Variants in TGFBR2 observed in about 807,000 individuals in gnomAD.
TGFBR2 encodes the protein transforming growth factor beta receptor 2.
TGFBR2 carries 18 observed loss-of-function variants against 49.0 expected under a neutral mutation model. The observed-to-expected ratio is 0.37, with a 90% CI of 0.25 to 0.54. The LOEUF is 0.54. Among genes scored for constraint, TGFBR2 ranks in the 20% least tolerant of loss-of-function variants. The probability of loss-of-function intolerance (pLI) is 0.85; values close to 1 mark genes in which losing one functional copy is unlikely to be tolerated. For synonymous variants in TGFBR2, 282 were observed against 275.9 expected, an observed-to-expected ratio of 1.02 and a Z score of -0.22; for missense variants, 525 against 722.6, an observed-to-expected ratio of 0.73 and a Z score of 3.13.
At chr3:30,690,787 G>A (rs1052668232) in intron 6 of TGFBR2, among the ~76,000 whole-genome samples, 7 of 152,110 alleles carry the variant, frequency 4.6e-5, no homozygotes, top group Non-Finnish European at 7.4e-5. Context: ...AAACTATTCC[G>A]CATGATACTA....
rs772490613 is a variant in TGFBR2, at chr3:30,674,164, T to C, written c.1314T>C (p.Asn438=). ...EVLESRMNLE[N]VESFKQTDVY... is the part of the protein sequence containing the mutation. ...TAGAATCCAGGATGAATTTGGAGAA[T>C]GTTGAGTCCTTCAAGCAGACCGATG... Residue 438 remains asparagine, a synonymous_variant, in exon 5 of 7, where the codon AAT becomes AAC. Coordinates refer to ENST00000295754, the MANE Select transcript of TGFBR2 (RefSeq NM_003242.6). 21 of 1,614,010 alleles carry C rather than the reference T, an allele frequency of 1.3e-5. No individual in the cohort carries two copies. Among genetic ancestry groups the C allele is most frequent in the Non-Finnish European group, 1.7e-5 (20 of 1,180,018 alleles).
Position 30,606,774 on chromosome 3 carries a change from G to A in TGFBR2, c.-110G>A. Reference sequence around the variant, plus strand: ...TCTGGCCCGCACATCTGCGCTGCCGGCCCGGCGCGGGGTCCGGAGAGGGCG... The same window carrying A: ...TCTGGCCCGCACATCTGCGCTGCCGACCCGGCGCGGGGTCCGGAGAGGGCG... On this transcript the variant is annotated 5_prime_UTR_variant, in exon 1 of 7. Transcript: ENST00000295754. The A allele has an allele frequency of 1.3e-6, 1 of 789,576 alleles. No individual in the cohort carries two copies. The highest frequency in any genetic ancestry group is 1.8e-5 in the African/African-American group (1 of 55,552). 48.9% of individuals were successfully genotyped at this position (789,576 alleles called of 1,614,324 possible).
chr3:30,646,629 A>T (rs924399964), intron 2 of TGFBR2, among the ~76,000 whole-genome samples: 3 of 152,208 alleles, frequency 2.0e-5, no homozygotes, highest in Non-Finnish European at 4.4e-5. Context: ...CCAACAGCAG[A>T]ACAGGCTTCC....
intron 5 of TGFBR2, among the ~76,000 whole-genome samples, chr3:30,683,316 A>G (rs757069458): frequency 6.6e-6 from 1 of 152,214 alleles, no homozygotes; most frequent in African/African-American, 2.4e-5. Flanking sequence ...CAGATTTGCA[A>G]TATAAGGACA....
chr3:30,659,203 A>G (rs1699066434), intron 3 of TGFBR2, among the ~76,000 whole-genome samples: 1 of 152,220 alleles, frequency 6.6e-6, no homozygotes. Context: ...AACAAACCAG[A>G]TTTACTTTCT....
At chr3:30,675,287 T>C (rs1699415709) in intron 5 of TGFBR2, among the ~76,000 whole-genome samples, 1 of 152,176 alleles carries the variant, frequency 6.6e-6, no homozygotes, top group Non-Finnish European at 1.5e-5. Flanking sequence ...TCTATTCATG[T>C]CCTTCTTATT....
rs558225715 is a variant in TGFBR2 at position 30,689,605 on chromosome 3, C to G, written c.1524+1094C>G. On this transcript the variant is annotated intron_variant, in intron 6 of 6. Transcript: ENST00000295754. ...TCAGCAGACAGACCTTAATAAAGTCCGAGGAGGTTGGCGAGGGGGAACCAG... is the reference window on the plus strand; with the variant it reads ...TCAGCAGACAGACCTTAATAAAGTCGGAGGAGGTTGGCGAGGGGGAACCAG... Among the ~76,000 whole-genome samples, 98 of 152,272 alleles carry G rather than the reference C, an allele frequency of 6.4e-4. 1 individual carries two copies. Among genetic ancestry groups the G allele is most frequent in the African/African-American group, 2.2e-3 (92 of 41,566 alleles).
intron 2 of TGFBR2, among the ~76,000 whole-genome samples, chr3:30,648,392 G>A (rs76789352): frequency 0.014 from 2,013 of 142,602 alleles, 47 homozygotes; most frequent in African/African-American, 0.05. Context: ...GCATACCTTC[G>A]TTTTATTACC....
At chr3:30,669,908 A>T (rs748151849) in intron 3 of TGFBR2, among the ~76,000 whole-genome samples, 1 of 152,136 alleles carries the variant, frequency 6.6e-6, no homozygotes, top group Non-Finnish European at 1.5e-5. Flanking sequence ...TATCAGTATC[A>T]TTTAGGTAAT....
At chr3:30,679,681 T>C (rs1266241406) in intron 5 of TGFBR2, among the ~76,000 whole-genome samples, 1 of 152,202 alleles carries the variant, frequency 6.6e-6, no homozygotes, top group Non-Finnish European at 1.5e-5. Flanking sequence ...GTACTGTTAT[T>C]AATCCCATTT....
intron 1 of TGFBR2, among the ~76,000 whole-genome samples, chr3:30,633,789 A>C (rs552501640): frequency 4.1e-4 from 63 of 152,308 alleles, no homozygotes; most frequent in African/African-American, 1.5e-3. Context: ...TTTATATTTT[A>C]AAAAGAAAAG....
intron 3 of TGFBR2, among the ~76,000 whole-genome samples, chr3:30,652,030 T>A (rs9831477): frequency 0.48 from 72,626 of 151,926 alleles, 17,953 homozygotes; most frequent in African/African-American, 0.6. Flanking sequence ...GCACTGCAGA[T>A]CCAGCTTGTT....
chr3:30,650,061 A>G (rs911343547), intron 2 of TGFBR2, among the ~76,000 whole-genome samples: 2 of 151,752 alleles, frequency 1.3e-5, no homozygotes, highest in Admixed American at 1.3e-4. Flanking sequence ...AAGAATAAAC[A>G]AAGGAAAAAC....
rs1307769588 is a variant in TGFBR2 at position 30,606,798 on chromosome 3, C to T, written c.-86C>T. 6 of 1,016,550 alleles carry T rather than the reference C, an allele frequency of 5.9e-6. No homozygotes were observed. The highest frequency in any genetic ancestry group is 4.2e-5 in the Admixed American group (1 of 24,038). The allele number at this position is 1,016,550 out of a possible 1,614,324, so 63.0% of individuals were successfully genotyped here. A position where few individuals can be genotyped will look rare whatever the true frequency, so the allele number is the denominator to read the frequency against. ...GGCCCGGCGCGGGGTCCGGAGAGGG[C>T]GCGGCGCGGAGGCGCAGCCAGGGGT... On this transcript the variant is annotated 5_prime_UTR_variant, in exon 1 of 7. Coordinates refer to ENST00000295754, the MANE Select transcript of TGFBR2 (RefSeq NM_003242.6).
chr3:30,623,990 A>G lies in TGFBR2; in HGVS notation c.94+17013A>G, dbSNP rs368982076. On this transcript the variant is annotated intron_variant, in intron 1 of 6. Coordinates refer to ENST00000295754, the MANE Select transcript of TGFBR2 (RefSeq NM_003242.6). ...AACCCTATCTCTACTAAAAAATACA[A>G]AAATTAGCTGGGCATGGTGGCGGGC... Among the ~76,000 whole-genome samples, 81 of 152,226 alleles carry G rather than the reference A, an allele frequency of 5.3e-4. 2 individuals are homozygous for G. Among genetic ancestry groups the G allele is most frequent in the African/African-American group, 1.8e-3 (76 of 41,538 alleles).
chr3:30,606,941 A>T lies in TGFBR2; in HGVS notation c.58A>T (p.Ile20Phe). Residue 20 changes from isoleucine (I) to phenylalanine (F), a missense_variant, in exon 1 of 7, where the codon ATC (isoleucine) becomes TTC (phenylalanine). Physicochemically the swap from Ile to Phe is conservative, Grantham distance 21. Transcript: ENST00000295754. The stretch of plus-strand genomic sequence containing the variant: ...GCTGCACATCGTCCTGTGGACGCGT[A>T]TCGCCAGCACGATCCCACCGCACGT... ...WPLHIVLWTR[I>F]ASTIPPHVQK... is the part of the protein sequence containing the mutation. The T allele has an allele frequency of 6.2e-7, 1 of 1,602,748 alleles. No homozygotes were observed. The highest frequency in any genetic ancestry group is 8.5e-7 in the Non-Finnish European group (1 of 1,174,894).
chr3:30,673,283 T>A (rs1366493916), intron 4 of TGFBR2, among the ~76,000 whole-genome samples: 1 of 152,134 alleles, frequency 6.6e-6, no homozygotes. Context: ...TACATGCCAA[T>A]AAGAAACATT....
chr3:30,614,104 T>G (rs370198076), intron 1 of TGFBR2, among the ~76,000 whole-genome samples: 4 of 145,534 alleles, frequency 2.7e-5, no homozygotes, highest in African/African-American at 1.0e-4. Context: ...GCTCTATACT[T>G]TTTTTCTTTC....
intron 1 of TGFBR2, among the ~76,000 whole-genome samples, chr3:30,629,090 G>A (rs190176950): frequency 1.5e-4 from 23 of 152,238 alleles, no homozygotes; most frequent in African/African-American, 5.5e-4. Flanking sequence ...CTCAGAAGCC[G>A]AGGAACGCAG....
Sources: allele counts gnomAD v4.1 joint callset (sites outside exome capture counted in the v4.1 genomes callset), GRCh38; gene constraint gnomAD v4.1.1; transcripts MANE v1.5; gene names NCBI Gene and HGNC (gene_info 2026-07-23, HGNC 2026-07-21).